PLA2G4C: variants seen among roughly 807,000 people sequenced by gnomAD.
The protein encoded by PLA2G4C is phospholipase A2 group IVC.
Under a neutral mutation model 73.8 loss-of-function variants are expected in PLA2G4C, and 64 were observed. The observed-to-expected ratio is 0.87, with a 90% CI of 0.71 to 1.07. The LOEUF (loss-of-function observed/expected upper bound fraction) is 1.07. PLA2G4C is among the 50% of genes least tolerant of loss of function. The pLI, the probability that PLA2G4C is intolerant of heterozygous loss-of-function variation, is 0.00. For synonymous variants in PLA2G4C, 254 were observed against 252.1 expected (o/e 1.01, Z -0.07); for missense variants, 622 against 665.4 (o/e 0.93, Z 0.72).
chr19:48,103,671 G>A (rs911622570), intron 4 of PLA2G4C, among the ~76,000 whole-genome samples: 1 of 152,184 alleles, frequency 6.6e-6, no homozygotes, highest in African/African-American at 2.4e-5. Context: ...GAATGAGACA[G>A]TCCTACACGG....
chr19:48,104,628 C>T lies in PLA2G4C; in HGVS notation c.217G>A (p.Asp73Asn). ...ACCCCTGCGAGGTACGTGACGGCAT[C>T]CAACAGGCCCTGTTCTTTCATCTCA... ...LSEMKEQGLL[D>N]AVTYLAGVSG... The change falls in exon 4 of 17, where the codon GAT becomes AAT. Residue 73 changes from aspartate to asparagine, a missense_variant. Physicochemically the swap from Asp to Asn is conservative, Grantham distance 23 (BLOSUM62 1). Transcript: ENST00000599921. 1 of 1,614,112 alleles carries T rather than the reference C, an allele frequency of 6.2e-7. No homozygotes were observed. Among genetic ancestry groups the T allele is most frequent in the Non-Finnish European group, 8.5e-7 (1 of 1,180,002 alleles).
Position 48,079,173 on chromosome 19 carries a change from C to T in PLA2G4C, c.845-1349G>A, listed in dbSNP as rs557768840. 4.6e-5 allele frequency among the ~76,000 whole-genome samples: 7 copies of T among 152,070 alleles called. No individual in the cohort carries two copies. The South Asian group carries it at 1.2e-3, about 27-fold the overall frequency. On this transcript the variant is annotated intron_variant, in intron 10 of 16. Coordinates refer to ENST00000599921, the MANE Select transcript of PLA2G4C (RefSeq NM_003706.3). ...GTGAGCTACCATGCCCAGCCACAATCCCAAAATCCATATGAACCAAAAAAG... is the reference window on the plus strand; with the variant it reads ...GTGAGCTACCATGCCCAGCCACAATTCCAAAATCCATATGAACCAAAAAAG...
intron 13 of PLA2G4C, among the ~76,000 whole-genome samples, chr19:48,067,235 G>A (rs888195089): frequency 3.3e-5 from 5 of 150,976 alleles, no homozygotes; most frequent in Admixed American, 6.6e-5. Context: ...TGGGATGATC[G>A]CGGCTCACTG....
At chr19:48,055,410 T>TATATATATATATATATATATATA (rs201946576) in intron 14 of PLA2G4C, among the ~76,000 whole-genome samples, 23 of 148,332 alleles carry the variant, frequency 1.6e-4, no homozygotes, top group African/African-American at 5.1e-4. Flanking sequence ...TATATATATA[T>TATATATATATATATATATATATA]TTCAATTAGC....
chr19:48,100,653 T>C (rs533075311), intron 4 of PLA2G4C, among the ~76,000 whole-genome samples: 1 of 144,596 alleles, frequency 6.9e-6, no homozygotes, highest in Non-Finnish European at 1.5e-5. Context: ...CTTACGCCTG[T>C]GATCCTAGCA....
chr19:48,093,790 G>A (rs930986516), intron 7 of PLA2G4C, among the ~76,000 whole-genome samples: 1 of 152,194 alleles, frequency 6.6e-6, no homozygotes, highest in Non-Finnish European at 1.5e-5. Flanking sequence ...GAGAGACCTG[G>A]TGGGAGGTAA....
At chr19:48,105,139 G>A (rs4802433) in intron 3 of PLA2G4C, among the ~76,000 whole-genome samples, 194 bp downstream of exon 3, 3 of 126,156 alleles carry the variant, frequency 2.4e-5, no homozygotes, top group African/African-American at 1.4e-4. Context: ...GGAGGAGGAG[G>A]AGAAGGAGGA....
chr19:48,110,575 G>A lies in PLA2G4C; in HGVS notation c.-121C>T. On this transcript the variant is annotated 5_prime_UTR_variant, in exon 1 of 17. Transcript: ENST00000599921. ...GAGGCTTGGGCTCCCTGCGCTTAGC[G>A]GTGTAGTCGCTGGACAGCTCCTTCA... 5.7e-6 allele frequency: 2 copies of A among 351,720 alleles called. No homozygotes were observed. The allele number at this position is 351,720 out of a possible 1,614,324, so 21.8% of individuals were successfully genotyped here. A position where few individuals can be genotyped will look rare whatever the true frequency, so the allele number is the denominator to read the frequency against.
At chr19:48,080,121 G>T (rs112826310) in intron 10 of PLA2G4C, among the ~76,000 whole-genome samples, 3,092 of 81,752 alleles carry the variant, frequency 0.038, 106 homozygotes, top group African/African-American at 0.11. Context: ...GGAACTCAAA[G>T]AAATCAGCAA....
intron 1 of PLA2G4C, 48 bp downstream of exon 1, chr19:48,110,439 T>A: frequency 7.3e-7 from 1 of 1,367,924 alleles, no homozygotes; most frequent in Non-Finnish European, 9.4e-7. Context: ...TACTTGGTTA[T>A]GGCCGCCCCA....
chr19:48,079,332 A>G (rs1487911839), intron 10 of PLA2G4C, among the ~76,000 whole-genome samples: 1 of 152,228 alleles, frequency 6.6e-6, no homozygotes, highest in Admixed American at 6.5e-5. Flanking sequence ...CATGTAGAAC[A>G]ATGGAACAGA....
intron 10 of PLA2G4C, among the ~76,000 whole-genome samples, chr19:48,082,971 G>A (rs1007419432): frequency 2.6e-5 from 4 of 151,624 alleles, no homozygotes; most frequent in Non-Finnish European, 5.9e-5. Context: ...CCGCCACTAC[G>A]CCCGGCTAAT....
chr19:48,106,090 C>T (rs969370363), intron 2 of PLA2G4C, among the ~76,000 whole-genome samples: 1 of 147,596 alleles, frequency 6.8e-6, no homozygotes, highest in Non-Finnish European at 1.5e-5. Context: ...TCCACCTCCC[C>T]GGTTCAACAA....
At position 48,054,893 on chromosome 19, in the gene PLA2G4C, T is replaced by A; in HGVS notation, c.1414A>T (p.Ile472Leu). 1.9e-6 allele frequency: 3 copies of A among 1,614,036 alleles called. No homozygotes were observed. The highest frequency in any genetic ancestry group is 1.7e-6 in the Non-Finnish European group (2 of 1,180,010). Residue 472 changes from isoleucine to leucine, a missense_variant, in exon 15 of 17, where the codon ATA becomes TTA. Physicochemically the swap from Ile to Leu is conservative, Grantham distance 5. Transcript: ENST00000599921. ...CTGCACCTACCTCCACAGGCATCTATGTTGAACAGGGGAAAATGCATCACC... is the reference window on the plus strand; with the variant it reads ...CTGCACCTACCTCCACAGGCATCTAAGTTGAACAGGGGAAAATGCATCACC... ...PVVMHFPLFN[I>L]DACGGDIEAW...
At chr19:48,091,237 G>A (rs2031278553) in intron 7 of PLA2G4C, among the ~76,000 whole-genome samples, 1 of 152,132 alleles carries the variant, frequency 6.6e-6, no homozygotes, top group Non-Finnish European at 1.5e-5. Context: ...CCAGGCTGGA[G>A]TGCAGTGGTG....
chr19:48,048,631 C>T (rs750834684), intron 16 of PLA2G4C, among the ~76,000 whole-genome samples: 14 of 152,162 alleles, frequency 9.2e-5, no homozygotes, highest in East Asian at 1.9e-4. Context: ...AAGCATGTAT[C>T]AGGAGCTGGG....
intron 16 of PLA2G4C, among the ~76,000 whole-genome samples, chr19:48,049,783 T>C (rs187105572): frequency 4.6e-4 from 70 of 152,208 alleles, no homozygotes; most frequent in Non-Finnish European, 8.1e-4. Context: ...AGGAAAATCA[T>C]GTGTAGACAC....
intron 1 of PLA2G4C, among the ~76,000 whole-genome samples, chr19:48,107,795 G>C (rs2032308328): frequency 6.6e-6 from 1 of 152,232 alleles, no homozygotes; most frequent in Non-Finnish European, 1.5e-5. Context: ...GCACCCTCTA[G>C]ATAGCAGTAG....
intron 9 of PLA2G4C, among the ~76,000 whole-genome samples, chr19:48,087,761 C>T (rs182566922): frequency 3.3e-4 from 50 of 152,064 alleles, no homozygotes; most frequent in African/African-American, 1.2e-3. Flanking sequence ...ACGGAGAAAC[C>T]CCATCTCTAC....
Sources: allele counts gnomAD v4.1 joint callset (sites outside exome capture counted in the v4.1 genomes callset), GRCh38; gene constraint gnomAD v4.1.1; transcripts MANE v1.5; gene names NCBI Gene and HGNC (gene_info 2026-07-23, HGNC 2026-07-21).